The following IL1RAPL1 variants were observed in gnomAD, a reference collection of about 807,000 sequenced individuals.
IL1RAPL1 encodes the protein interleukin-1 receptor accessory protein-like 1.
Under a neutral mutation model 48.4 loss-of-function variants are expected in IL1RAPL1, and 3 were observed. That is an observed-to-expected ratio of 0.06 (90% CI 0.03 to 0.16). IL1RAPL1 has a LOEUF of 0.16. IL1RAPL1 is among the 10% of genes least tolerant of loss of function. The pLI is 1.00. For missense variants in IL1RAPL1, 349 were observed against 530.6 expected (o/e 0.66, Z 3.36); for synonymous variants, 185 against 187.7 (o/e 0.99, Z 0.12).
At chrX:29,772,890 A>C (rs1929101934) in intron 6 of IL1RAPL1, among the ~76,000 whole-genome samples, 1 of 111,457 alleles carries the variant, frequency 9.0e-6, no homozygotes, top group African/African-American at 3.3e-5. Flanking sequence ...AATCCCTTTA[A>C]AGGTATCCTG....
intron 5 of IL1RAPL1, among the ~76,000 whole-genome samples, chrX:29,507,467 C>T (rs1462565369): frequency 2.5e-5 from 2 of 80,557 alleles, no homozygotes; most frequent in African/African-American, 9.5e-5. Flanking sequence ...TGCAGTGGCT[C>T]AATCATGGCT....
At chrX:29,031,336 A>G (rs1490542298) in intron 2 of IL1RAPL1, among the ~76,000 whole-genome samples, 1 of 112,164 alleles carries the variant, frequency 8.9e-6, no homozygotes, top group Non-Finnish European at 1.9e-5. Flanking sequence ...AAGCATCCTT[A>G]AAAGCTACCA....
At chrX:29,457,514 C>T (rs1301884834) in intron 5 of IL1RAPL1, among the ~76,000 whole-genome samples, 1 of 111,484 alleles carries the variant, frequency 9.0e-6, no homozygotes, top group African/African-American at 3.3e-5. Context: ...ACAAAGGACA[C>T]GATTTTGTTC....
chrX:29,841,623 C>T (rs1157597842), intron 6 of IL1RAPL1, among the ~76,000 whole-genome samples: 2 of 111,319 alleles, frequency 1.8e-5, no homozygotes, highest in Admixed American at 9.6e-5. Context: ...AACCATGATC[C>T]CTGTCCTCAG....
chrX:28,798,145 T>A (rs968253284), intron 2 of IL1RAPL1, among the ~76,000 whole-genome samples: 26 of 111,127 alleles, frequency 2.3e-4, no homozygotes, highest in Non-Finnish European at 3.2e-4. Context: ...GAGTTACAAT[T>A]CAAGATGAGA....
intron 2 of IL1RAPL1, among the ~76,000 whole-genome samples, chrX:28,829,848 G>C (rs751695329): frequency 2.7e-5 from 3 of 110,542 alleles, no homozygotes; most frequent in African/African-American, 6.6e-5. Flanking sequence ...GTGAGCCACC[G>C]TGCCCGGCCT....
At chrX:28,977,899 G>A (rs1925243765) in intron 2 of IL1RAPL1, among the ~76,000 whole-genome samples, 1 of 111,992 alleles carries the variant, frequency 8.9e-6, no homozygotes, top group Non-Finnish European at 1.9e-5. Context: ...GGGGGTGGAG[G>A]TTGCAGTGAG....
chrX:29,057,334 A>C (rs1364444141), intron 2 of IL1RAPL1, among the ~76,000 whole-genome samples: 1 of 112,042 alleles, frequency 8.9e-6, no homozygotes, highest in Non-Finnish European at 1.9e-5. Context: ...CAAGGGTAGC[A>C]ATATAATCTA....
intron 2 of IL1RAPL1, among the ~76,000 whole-genome samples, chrX:28,880,207 A>C (rs1163844795): frequency 1.8e-5 from 2 of 112,760 alleles, no homozygotes; most frequent in East Asian, 5.6e-4. Context: ...TGTGACTAGG[A>C]CTTTAAGCTA....
At chrX:29,576,512 T>G (rs2147801237) in intron 5 of IL1RAPL1, among the ~76,000 whole-genome samples, 1 of 112,070 alleles carries the variant, frequency 8.9e-6, no homozygotes, top group African/African-American at 3.2e-5. Context: ...AATTGTATAC[T>G]TTTTTAAAGA....
intron 3 of IL1RAPL1, among the ~76,000 whole-genome samples, chrX:29,351,183 T>C (rs1271042086): frequency 1.8e-5 from 2 of 112,102 alleles, no homozygotes; most frequent in South Asian, 3.7e-4. Flanking sequence ...ATAAGGAATT[T>C]TGGGGGAACT....
chrX:29,943,047 G>A (rs1206097115), intron 9 of IL1RAPL1, among the ~76,000 whole-genome samples: 1 of 111,003 alleles, frequency 9.0e-6, no homozygotes, highest in African/African-American at 3.3e-5. Flanking sequence ...AAATCCACAA[G>A]CAAAACTAGT....
intron 1 of IL1RAPL1, among the ~76,000 whole-genome samples, chrX:28,661,084 A>C (rs187496729): frequency 1.7e-3 from 186 of 111,746 alleles, no homozygotes; most frequent in African/African-American, 5.9e-3. Context: ...TAACAAAAAA[A>C]TCTAGTCATC....
intron 6 of IL1RAPL1, among the ~76,000 whole-genome samples, chrX:29,780,489 T>A (rs1929313712): frequency 9.0e-6 from 1 of 111,314 alleles, no homozygotes; most frequent in South Asian, 3.7e-4. Context: ...CATCAGCTTC[T>A]CACCTCCATT....
intron 2 of IL1RAPL1, among the ~76,000 whole-genome samples, chrX:29,108,411 G>GT (rs751294776): frequency 9.1e-6 from 1 of 110,318 alleles, no homozygotes; most frequent in African/African-American, 3.3e-5. Flanking sequence ...TTGTTTGTTT[G>GT]TTTTTTTGAG....
rs1478113224 is a variant in IL1RAPL1, at chrX:29,252,056, A to T, written c.83-30882A>T. Reference sequence around the variant, plus strand: ...CGCGTGTTCTCACTCATAAGTGGGAATTGAACAATGAGAACACGTGGACAC... The same window carrying T: ...CGCGTGTTCTCACTCATAAGTGGGATTTGAACAATGAGAACACGTGGACAC... On this transcript the variant is annotated intron_variant, in intron 2 of 10. Coordinates refer to ENST00000378993, the MANE Select transcript of IL1RAPL1 (RefSeq NM_014271.4). Among the ~76,000 whole-genome samples, 3 of 40,904 alleles carry T rather than the reference A, an allele frequency of 7.3e-5. No homozygotes were observed. The East Asian group carries it at 4.8e-3, about 66-fold the overall frequency. 35.5% of individuals were successfully genotyped at this position (40,904 alleles called of 115,157 possible). A position where few individuals can be genotyped will look rare whatever the true frequency, so the allele number is the denominator to read the frequency against.
chrX:28,899,143 GA>G (rs923478072), intron 2 of IL1RAPL1, among the ~76,000 whole-genome samples: 1 of 110,992 alleles, frequency 9.0e-6, no homozygotes, highest in African/African-American at 3.3e-5. Context: ...AACACAGGAG[GA>G]ACTACCAAAC....
At chrX:29,376,958 G>A (rs1933632308) in intron 3 of IL1RAPL1, among the ~76,000 whole-genome samples, 1 of 111,652 alleles carries the variant, frequency 9.0e-6, no homozygotes, top group Admixed American at 9.5e-5. Context: ...AGTGGGTATT[G>A]ACATCTCCCA....
At chrX:28,694,077 G>A (rs907843431) in intron 1 of IL1RAPL1, among the ~76,000 whole-genome samples, 2 of 111,091 alleles carry the variant, frequency 1.8e-5, no homozygotes, top group Non-Finnish European at 3.8e-5. Context: ...CTTTGGTGGC[G>A]TGTTTCTTGC....
Sources: gnomAD v4.1 joint callset for allele counts (sites outside exome capture counted in the v4.1 genomes callset) on GRCh38, gnomAD v4.1.1 for gene constraint, MANE v1.5 for transcripts, NCBI Gene and HGNC (gene_info 2026-07-23, HGNC 2026-07-21) for gene names.